Variants in RBM33 observed in about 807,000 individuals in gnomAD.
The protein encoded by RBM33 is RNA-binding protein 33.
Under a neutral mutation model 132.6 loss-of-function variants are expected in RBM33, and 28 were observed. That is an observed-to-expected ratio of 0.21 (90% confidence interval 0.16 to 0.29). The LOEUF is 0.29. Among genes scored for constraint, RBM33 ranks in the 10% least tolerant of loss-of-function variants. The probability of loss-of-function intolerance (pLI) is 1.00; values close to 1 mark genes in which losing one functional copy is unlikely to be tolerated. For synonymous variants in RBM33, 634 were observed against 593.0 expected (o/e 1.07, Z -1.01); for missense variants, 1,291 against 1,518.5 (o/e 0.85, Z 2.49).
Position 155,774,875 on chromosome 7 carries a change from T to A in RBM33, c.3465-118T>A, listed in dbSNP as rs528312243. ...AGATCTTCCCGGGGAATCTGCCTTT[T>A]TATATGATGCGTTTTTATTAAACAG... is the stretch of plus-strand genomic sequence containing the variant. On this transcript the variant is annotated intron_variant, in intron 17 of 17. Transcript: ENST00000401878. This position sits in a 1 kb window ranked among gnomAD's most constrained non-coding sequence, Gnocchi z 4.2. 1.1e-6 allele frequency: 1 copy of A among 935,886 alleles called. No homozygotes were observed. The highest frequency in any genetic ancestry group is 2.2e-5 in the Admixed American group (1 of 44,990). The allele number at this position is 935,886 out of a possible 1,614,324, so 58.0% of individuals were successfully genotyped here.
In RBM33 at chr7:155,742,110, G is replaced by A; in HGVS notation, c.2337+4G>A. 6.2e-7 allele frequency: 1 copy of A among 1,608,162 alleles called. No homozygotes were observed. The highest frequency in any genetic ancestry group is 1.7e-4 in the Middle Eastern group (1 of 6,044). ...AGAGGCAAAAACAGAAACAGAGGTAGGACACTGCTCTTATTAACAAATGTT... is the reference window on the plus strand; with the variant it reads ...AGAGGCAAAAACAGAAACAGAGGTAAGACACTGCTCTTATTAACAAATGTT... On this transcript the variant is annotated splice_donor_region_variant and intron_variant, in intron 13 of 17. Coordinates refer to ENST00000401878, the MANE Select transcript of RBM33 (RefSeq NM_053043.3).
chr7:155,776,994 A>T lies in RBM33; in HGVS notation c.*1953A>T, dbSNP rs1196591592. 6.6e-6 allele frequency: 1 copy of T among 152,118 alleles called. No individual in the cohort carries two copies. Among genetic ancestry groups the T allele is most frequent in the South Asian group, 2.1e-4 (1 of 4,820 alleles). The allele number at this position is 152,118 out of a possible 1,614,324, so 9.4% of individuals were successfully genotyped here. A position where few individuals can be genotyped will look rare whatever the true frequency, so the allele number is the denominator to read the frequency against. On this transcript the variant is annotated 3_prime_UTR_variant, in exon 18 of 18. Coordinates refer to ENST00000401878, the MANE Select transcript of RBM33 (RefSeq NM_053043.3). This position sits in a 1 kb window ranked among gnomAD's most constrained non-coding sequence, Gnocchi z 4.0. ...TACCCACTGGGCAGTGGGAAGGCCT[A>T]CCGACTTACTTTATCATTGAGGGCT...
chr7:155,742,040 G>T lies in RBM33; in HGVS notation c.2271G>T (p.Thr757=). 6.2e-7 allele frequency: 1 copy of T among 1,613,972 alleles called. No individual in the cohort carries two copies. The highest frequency in any genetic ancestry group is 1.1e-5 in the South Asian group (1 of 91,084). The stretch of plus-strand genomic sequence containing the variant: ...GTTCCAGAAGCTCACAGGGAAAGAC[G>T]GAAGTGAAAGTCAAGCCAGCTAGCC... ...VAGSRSSQGK[T]EVKVKPASPV... Residue 757 remains threonine, a synonymous_variant, in exon 13 of 18, where the codon ACG becomes ACT. Transcript: ENST00000401878.
intron 5 of RBM33, among the ~76,000 whole-genome samples, chr7:155,689,595 C>T (rs1799574968): frequency 6.6e-6 from 1 of 152,126 alleles, no homozygotes; most frequent in Non-Finnish European, 1.5e-5. Flanking sequence ...TTCCTGCATT[C>T]TCTTGTGGGC....
intron 5 of RBM33, chr7:155,685,049 A>G: frequency 6.5e-7 from 1 of 1,549,744 alleles, no homozygotes; most frequent in Non-Finnish European, 8.7e-7. Context: ...CTGCAACTGA[A>G]GAGGTATTTG....
intron 1 of RBM33, among the ~76,000 whole-genome samples, chr7:155,663,554 G>A (rs1335142576): frequency 4.6e-5 from 7 of 152,130 alleles, no homozygotes; most frequent in South Asian, 4.1e-4. Flanking sequence ...AAGCCATGCC[G>A]GATCTGCCCC....
chr7:155,767,580 TC>T (rs1473263835), intron 16 of RBM33, among the ~76,000 whole-genome samples: 1 of 152,248 alleles, frequency 6.6e-6, no homozygotes, highest in Non-Finnish European at 1.5e-5. Context: ...TGTTGACAGT[TC>T]CTAAAAATGA....
At chr7:155,756,338 G>A (rs552843865) in intron 14 of RBM33, among the ~76,000 whole-genome samples, 1 of 152,210 alleles carries the variant, frequency 6.6e-6, no homozygotes, top group South Asian at 2.1e-4. Flanking sequence ...ATTTAATTTG[G>A]CTTGGTTCTT....
At chr7:155,767,828 A>G (rs1037101926) in intron 16 of RBM33, among the ~76,000 whole-genome samples, 1 of 152,224 alleles carries the variant, frequency 6.6e-6, no homozygotes, top group African/African-American at 2.4e-5. Flanking sequence ...AAAACAATTG[A>G]TCATAATCTG....
intron 5 of RBM33, among the ~76,000 whole-genome samples, chr7:155,684,692 T>G (rs17837569): frequency 0.64 from 96,864 of 151,960 alleles, 31,968 homozygotes; most frequent in South Asian, 0.77. Flanking sequence ...CACTTGGAGT[T>G]TGAAGCAGAG....
chr7:155,709,751 TG>T (rs1800224006), intron 7 of RBM33, among the ~76,000 whole-genome samples: 8 of 152,218 alleles, frequency 5.3e-5, no homozygotes, highest in African/African-American at 1.9e-4. Context: ...CCTACTCTCA[TG>T]GGCAAATGTG....
At chr7:155,679,774 T>C (rs1799287300) in intron 4 of RBM33, among the ~76,000 whole-genome samples, 2 of 152,232 alleles carry the variant, frequency 1.3e-5, no homozygotes, top group Non-Finnish European at 2.9e-5. Flanking sequence ...AATACATCAT[T>C]GAAGTTTTTT....
At chr7:155,647,654 G>A (rs1216194192) in intron 1 of RBM33, among the ~76,000 whole-genome samples, 2 of 152,110 alleles carry the variant, frequency 1.3e-5, no homozygotes, top group Non-Finnish European at 2.9e-5. Flanking sequence ...AGGAACTCGG[G>A]CTCAAGTGAT....
intron 15 of RBM33, among the ~76,000 whole-genome samples, chr7:155,764,780 A>G (rs6959625): frequency 0.91 from 138,138 of 152,304 alleles, 62,954 homozygotes; most frequent in East Asian, 0.99. Context: ...CGCTCTGGAG[A>G]ACGGCAAGTC....
intron 5 of RBM33, among the ~76,000 whole-genome samples, chr7:155,695,901 A>G (rs954475257): frequency 6.6e-6 from 1 of 152,158 alleles, no homozygotes; most frequent in African/African-American, 2.4e-5. Context: ...TATTAATTTT[A>G]GTTAAGATTA....
chr7:155,649,862 A>G (rs967219567), intron 1 of RBM33, among the ~76,000 whole-genome samples: 1 of 152,224 alleles, frequency 6.6e-6, no homozygotes, highest in Admixed American at 6.5e-5. Flanking sequence ...CATCCAGGCC[A>G]CCTATAACCC....
rs1182558614 is a variant in RBM33, at chr7:155,738,074, A to G, written c.1408A>G (p.Arg470Gly). 3.1e-6 allele frequency: 5 copies of G among 1,613,006 alleles called. No individual in the cohort carries two copies. Among genetic ancestry groups the G allele is most frequent in the African/African-American group, 1.3e-5 (1 of 75,008 alleles). Reference sequence around the variant, plus strand: ...TTACCTTTCAGTTTCAGGTGAACCAAGATTCCCGAGCCATCTTTTTCTGGA... The same window carrying G: ...TTACCTTTCAGTTTCAGGTGAACCAGGATTCCCGAGCCATCTTTTTCTGGA... Reference protein sequence around the residue: ...PFFLGVSGEPRFPSHLFLEQR... With the variant: ...PFFLGVSGEPGFPSHLFLEQR... The change falls in exon 11 of 18, where the codon AGA (arginine) becomes GGA (glycine). Residue 470 changes from arginine to glycine, a missense_variant. Arg to Gly is a moderately radical substitution (Grantham distance 125). This residue lies in a region of RBM33 where 841 missense variants were observed against 912.0 expected (regional missense o/e 0.92). Transcript: ENST00000401878.
chr7:155,776,488 A>G lies in RBM33; in HGVS notation c.*1447A>G, dbSNP rs1041022477. ...CTCGTTTCCACAGTTGACGTTTTAT[A>G]TTACTTTCTCAAATTAAGTTACCAA... On this transcript the variant is annotated 3_prime_UTR_variant, in exon 18 of 18. Transcript: ENST00000401878. This position sits in a 1 kb window ranked among gnomAD's most constrained non-coding sequence, Gnocchi z 4.0. 6.6e-6 allele frequency: 1 copy of G among 152,238 alleles called. No individual in the cohort carries two copies. Among genetic ancestry groups the G allele is most frequent in the African/African-American group, 2.4e-5 (1 of 41,464 alleles). The allele number at this position is 152,238 out of a possible 1,614,324, so 9.4% of individuals were successfully genotyped here. A position where few individuals can be genotyped will look rare whatever the true frequency, so the allele number is the denominator to read the frequency against.
At chr7:155,664,796 C>T (rs1345431811) in intron 1 of RBM33, among the ~76,000 whole-genome samples, 3 of 151,848 alleles carry the variant, frequency 2.0e-5, no homozygotes, top group Non-Finnish European at 2.9e-5. Flanking sequence ...AAAAGTGTGA[C>T]GATTACAAAA....
Sources: allele counts gnomAD v4.1 joint callset (sites outside exome capture counted in the v4.1 genomes callset), GRCh38; gene constraint gnomAD v4.1.1; regional missense constraint gnomAD v4.1.1; non-coding constraint Gnocchi (gnomAD v3.1); transcripts MANE v1.5; gene names NCBI Gene and HGNC (gene_info 2026-07-23, HGNC 2026-07-21).